AFF1: variants seen among roughly 807,000 people sequenced by gnomAD.
AFF1 encodes the protein AF4/FMR2 family member 1.
Under a neutral mutation model 121.7 loss-of-function variants are expected in AFF1, and 48 were observed. The ratio of observed to expected loss-of-function variants is 0.39; its 90% CI spans 0.31 to 0.50. AFF1 has a LOEUF of 0.50. AFF1 is among the 20% of genes least tolerant of loss of function. The pLI is 0.76. For missense variants in AFF1, 1,523 were observed against 1,511.7 expected, an observed-to-expected ratio of 1.01 and a Z score of -0.12; for synonymous variants, 613 against 563.0, an observed-to-expected ratio of 1.09 and a Z score of -1.26.
At chr4:87,073,691 A>C (rs1722363786) in intron 4 of AFF1, among the ~76,000 whole-genome samples, 1 of 152,194 alleles carries the variant, frequency 6.6e-6, no homozygotes, top group Admixed American at 6.5e-5. Flanking sequence ...CTCATCCAGA[A>C]ACTGATACAA....
intron 2 of AFF1, among the ~76,000 whole-genome samples, chr4:86,994,349 T>A (rs1439977569): frequency 6.6e-6 from 1 of 152,196 alleles, no homozygotes; most frequent in African/African-American, 2.4e-5. Context: ...GTCAAATATG[T>A]GGTTTCCTTT....
intron 1 of AFF1, among the ~76,000 whole-genome samples, chr4:86,943,903 G>T (rs1271153559): frequency 2.0e-5 from 3 of 151,906 alleles, no homozygotes; most frequent in Non-Finnish European, 4.4e-5. Context: ...GGAGGTTGTG[G>T]TGAGCCAGGA....
At chr4:87,007,227 G>A in intron 2 of AFF1, 1 of 1,460,636 alleles carries the variant, frequency 6.8e-7, no homozygotes, top group Non-Finnish European at 9.0e-7. Flanking sequence ...AATACGGGCC[G>A]AGCCCGGGGC....
chr4:87,134,111 A>T (rs1413056956), intron 19 of AFF1, among the ~76,000 whole-genome samples: 1 of 152,238 alleles, frequency 6.6e-6, no homozygotes, highest in African/African-American at 2.4e-5. Flanking sequence ...AAAAGAATGC[A>T]TGGTACAGAG....
At chr4:86,985,564 T>G (rs1216309870) in intron 2 of AFF1, among the ~76,000 whole-genome samples, 1 of 149,324 alleles carries the variant, frequency 6.7e-6, no homozygotes, top group Non-Finnish European at 1.5e-5. Context: ...TAATCTCAGC[T>G]CCTCGGGAGG....
At chr4:86,944,677 A>G (rs1478633767) in intron 1 of AFF1, among the ~76,000 whole-genome samples, 2 of 151,912 alleles carry the variant, frequency 1.3e-5, no homozygotes, top group African/African-American at 4.8e-5. Flanking sequence ...CAGGTCTTTT[A>G]CCAGCATGTG....
rs147645666 is a variant in AFF1, at chr4:87,083,982, A to G, written c.1060-138A>G. ...GGTTTTGCCATGTTGCCCAGGCTTC[A>G]AATGTAAAGTTCTTAATACTTAGCT... On this transcript the variant is annotated intron_variant, in intron 4 of 20. Coordinates refer to ENST00000395146, the MANE Select transcript of AFF1 (RefSeq NM_001166693.3). The G allele has an allele frequency of 8.5e-4, 632 of 744,192 alleles. 2 individuals carry two copies. Among genetic ancestry groups the G allele is most frequent in the Middle Eastern group, 2.9e-3 (11 of 3,778 alleles). 46.1% of individuals were successfully genotyped at this position (744,192 alleles called of 1,614,324 possible). A position where few individuals can be genotyped will look rare whatever the true frequency, so the allele number is the denominator to read the frequency against.
chr4:87,122,515 T>C (rs1727794584), intron 12 of AFF1, among the ~76,000 whole-genome samples: 1 of 152,244 alleles, frequency 6.6e-6, no homozygotes, highest in Non-Finnish European at 1.5e-5. Context: ...TATGGGTCCA[T>C]GCTTGCAGGA....
chr4:86,980,332 G>A (rs1317771886), intron 2 of AFF1, among the ~76,000 whole-genome samples: 1 of 152,100 alleles, frequency 6.6e-6, no homozygotes, highest in African/African-American at 2.4e-5. Context: ...TAAAGAGTTG[G>A]CTTAAAAAAC....
chr4:87,052,001 G>A (rs1731315019), intron 4 of AFF1, among the ~76,000 whole-genome samples: 1 of 152,206 alleles, frequency 6.6e-6, no homozygotes, highest in Admixed American at 6.5e-5. Context: ...ATGGTGGTCA[G>A]CACAGGACCC....
chr4:87,138,860 T>A lies in AFF1; in HGVS notation c.*3159T>A, dbSNP rs776736582. 1.7e-5 allele frequency: 4 copies of A among 229,390 alleles called. No individual in the cohort carries two copies. Among genetic ancestry groups the A allele is most frequent in the Non-Finnish European group, 3.5e-5 (4 of 115,766 alleles). The allele number at this position is 229,390 out of a possible 1,614,324, so 14.2% of individuals were successfully genotyped here. A position where few individuals can be genotyped will look rare whatever the true frequency, so the allele number is the denominator to read the frequency against. ...CATATTATCTGTTTTGACCAAAATA[T>A]GTAGCTATTTCCCTTACACAGATTG... On this transcript the variant is annotated 3_prime_UTR_variant, in exon 21 of 21. Transcript: ENST00000395146.
intron 2 of AFF1, among the ~76,000 whole-genome samples, chr4:86,996,291 A>G (rs1405429424): frequency 6.6e-6 from 1 of 151,924 alleles, no homozygotes; most frequent in African/African-American, 2.4e-5. Flanking sequence ...AAGGGGGGAA[A>G]GGTGGGGAAA....
In AFF1 at chr4:87,138,850, G is replaced by A. The variant is rs949907821; in HGVS notation, c.*3149G>A. On this transcript the variant is annotated 3_prime_UTR_variant, in exon 21 of 21. Transcript: ENST00000395146. ...AAAAGACCTTCATATTATCTGTTTT[G>A]ACCAAAATATGTAGCTATTTCCCTT... The A allele has an allele frequency of 1.7e-5, 4 of 228,920 alleles. No individual in the cohort carries two copies. Among genetic ancestry groups the A allele is most frequent in the African/African-American group, 4.4e-5 (2 of 45,078 alleles). The allele number at this position is 228,920 out of a possible 1,614,324, so 14.2% of individuals were successfully genotyped here.
At chr4:87,052,637 T>G (rs962414867) in intron 4 of AFF1, among the ~76,000 whole-genome samples, 5 of 151,922 alleles carry the variant, frequency 3.3e-5, no homozygotes, top group African/African-American at 9.7e-5. Context: ...TTTTTTTTTC[T>G]TTTTAAAAAA....
At chr4:87,119,562 C>T (rs1578293261) in intron 12 of AFF1, among the ~76,000 whole-genome samples, 1 of 152,154 alleles carries the variant, frequency 6.6e-6, no homozygotes, top group Non-Finnish European at 1.5e-5. Context: ...CAGAGTAAGA[C>T]CCTGTCTCTA....
rs191523078 is a variant in AFF1 at position 87,035,310 on chromosome 4, C to T, written c.39-10856C>T. On this transcript the variant is annotated intron_variant, in intron 2 of 20. Coordinates refer to ENST00000395146, the MANE Select transcript of AFF1 (RefSeq NM_001166693.3). ...GGCATGGTGGCTCACATCTGTAATC[C>T]CAGCACTTTGGGAGGCCGAGGAGGG... is the stretch of plus-strand genomic sequence containing the variant. Among the ~76,000 whole-genome samples the T allele has an allele frequency of 2.5e-3, 386 of 152,182 alleles. 4 individuals carry two copies. The highest frequency in any genetic ancestry group is 8.1e-3 in the African/African-American group (336 of 41,514).
chr4:87,061,135 G>A (rs781285432), intron 4 of AFF1, among the ~76,000 whole-genome samples: 4 of 152,162 alleles, frequency 2.6e-5, no homozygotes, highest in Non-Finnish European at 4.4e-5. Flanking sequence ...TTCAAGTCAT[G>A]TAAAATAACT....
intron 4 of AFF1, among the ~76,000 whole-genome samples, chr4:87,073,470 C>A (rs1444591139): frequency 2.0e-5 from 3 of 151,980 alleles, no homozygotes; most frequent in Non-Finnish European, 2.9e-5. Flanking sequence ...TCTAGCCTAC[C>A]ACTTCAATAA....
chr4:87,020,778 C>T (rs926447593), intron 2 of AFF1: 1 of 985,166 alleles, frequency 1.0e-6, no homozygotes, highest in African/African-American at 1.7e-5. Context: ...TTACCATGCC[C>T]AGTAATGCCA....
Sources: allele counts gnomAD v4.1 joint callset (sites outside exome capture counted in the v4.1 genomes callset), GRCh38; gene constraint gnomAD v4.1.1; transcripts MANE v1.5; gene names NCBI Gene and HGNC (gene_info 2026-07-23, HGNC 2026-07-21).